Variants in SPOP observed in about 807,000 individuals in gnomAD.
The protein encoded by SPOP is speckle type BTB/POZ protein, also known as speckle-type POZ protein.
A neutral mutation model predicts 45.6 loss-of-function variants in SPOP; 11 were observed. The ratio of observed to expected loss-of-function variants is 0.24; its 90% CI spans 0.15 to 0.40. The LOEUF (loss-of-function observed/expected upper bound fraction) is 0.40, where lower values mean the gene tolerates loss of function less well. Ranked by LOEUF, SPOP falls within the 10% of genes least tolerant of loss-of-function variation. The pLI is 1.00. For missense variants in SPOP, 152 were observed against 465.6 expected (o/e 0.33, Z 6.20); for synonymous variants, 166 against 166.3 (o/e 1.00, Z 0.01).
chr17:49,664,312 G>A (rs2073025137), intron 1 of SPOP, among the ~76,000 whole-genome samples: 2 of 152,226 alleles, frequency 1.3e-5, no homozygotes, highest in African/African-American at 4.8e-5. Flanking sequence ...TGTCACATCA[G>A]ACTGAATAGA....
chr17:49,671,245 T>C (rs745560251), intron 1 of SPOP, among the ~76,000 whole-genome samples: 3 of 151,926 alleles, frequency 2.0e-5, no homozygotes, highest in Admixed American at 6.6e-5. Flanking sequence ...CTTTAGTTTT[T>C]AGAATTTGGT....
rs573738973 is a variant in SPOP at position 49,673,054 on chromosome 17, T to C, written c.-67+4879A>G. Among the ~76,000 whole-genome samples, 7 of 152,148 alleles carry C rather than the reference T, an allele frequency of 4.6e-5. No homozygotes were observed. The East Asian group carries it at 5.8e-4, about 13-fold the overall frequency. On this transcript the variant is annotated intron_variant, in intron 1 of 9. Coordinates refer to ENST00000504102, the MANE Select transcript of SPOP (RefSeq NM_001007228.2). Reference sequence around the variant, plus strand: ...AAAAGAAGTGTCATCTTCAAGACAATTGGGAAAATCTGAACACGAACTGGA... The same window carrying C: ...AAAAGAAGTGTCATCTTCAAGACAACTGGGAAAATCTGAACACGAACTGGA...
chr17:49,628,308 C>T (rs1352888304), intron 1 of SPOP, among the ~76,000 whole-genome samples: 2 of 152,160 alleles, frequency 1.3e-5, no homozygotes, highest in Non-Finnish European at 2.9e-5. Flanking sequence ...CAGACCTCTT[C>T]GAGTTACATA....
Position 49,600,432 on chromosome 17 carries a change from A to C in SPOP, c.1071T>G (p.Ala357=), listed in dbSNP as rs766130846. 1.5e-5 allele frequency: 25 copies of C among 1,614,044 alleles called. 1 individual carries two copies. In the South Asian group the frequency reaches 2.7e-4, roughly 18 times the overall value. ...HLVAEAYRSL[A]SAQCPFLGPP... is the part of the protein sequence containing the mutation. ...GTCCCAGAAAAGGGCACTGTGCTGAAGCCAGAGAGCGGTATGCCTCAGCCA... is the reference window on the plus strand; with the variant it reads ...GTCCCAGAAAAGGGCACTGTGCTGACGCCAGAGAGCGGTATGCCTCAGCCA... The change falls in exon 10 of 10, where the codon GCT becomes GCG. Residue 357 remains alanine, a synonymous_variant. Coordinates refer to ENST00000504102, the MANE Select transcript of SPOP (RefSeq NM_001007228.2). The surrounding 1 kb of genome is among the most constrained non-coding windows in gnomAD (Gnocchi z 4.2).
chr17:49,628,344 G>T (rs902982087), intron 1 of SPOP, among the ~76,000 whole-genome samples: 1 of 152,150 alleles, frequency 6.6e-6, no homozygotes, highest in African/African-American at 2.4e-5. Context: ...AAATATCTCT[G>T]TCAACTGTAA....
At chr17:49,627,049 C>G (rs559055068) in intron 1 of SPOP, among the ~76,000 whole-genome samples, 2 of 152,118 alleles carry the variant, frequency 1.3e-5, no homozygotes, top group Non-Finnish European at 2.9e-5. Flanking sequence ...CAGGGTTTCA[C>G]CATGTTAGCC....
At chr17:49,677,760 G>A (rs1164867754) in intron 1 of SPOP, among the ~76,000 whole-genome samples, 173 bp downstream of exon 1, 1 of 151,668 alleles carries the variant, frequency 6.6e-6, no homozygotes, top group Non-Finnish European at 1.5e-5. Context: ...CGGCTGATTC[G>A]GCTCTGGCAT....
Position 49,638,706 on chromosome 17 carries a change from TGA to T in SPOP, c.-66-15832_-66-15831del, listed in dbSNP as rs768977905. Among the ~76,000 whole-genome samples, 94 of 152,314 alleles carry T rather than the reference TGA, an allele frequency of 6.2e-4. 1 individual carries two copies. Among genetic ancestry groups the T allele is most frequent in the Admixed American group, 3.7e-3 (57 of 15,288 alleles). On this transcript the variant is annotated intron_variant, in intron 1 of 9. Transcript: ENST00000504102. ...GTAAACCAAGTCCAGTTACTATCAG[TGA>T]TCAAATGAGCCATCACCAAAAACTG...
At chr17:49,625,563 G>A (rs2072312118) in intron 1 of SPOP, among the ~76,000 whole-genome samples, 1 of 152,004 alleles carries the variant, frequency 6.6e-6, no homozygotes, top group Admixed American at 6.6e-5. Flanking sequence ...AGCCGAGATC[G>A]CACCATTGCA....
Position 49,607,926 on chromosome 17 carries a change from C to T in SPOP, c.662G>A (p.Arg221His), listed in dbSNP as rs2143162433. 6.2e-7 allele frequency: 1 copy of T among 1,611,698 alleles called. No homozygotes were observed. The highest frequency in any genetic ancestry group is 8.5e-7 in the Non-Finnish European group (1 of 1,178,630). ...FQAHKAILAA[R>H]SPVFSAMFEH... Reference sequence around the variant, plus strand: ...AAACATGGCACTAAAAACCGGAGAACGAGCTACAAAGTCAAAGAGAAACAA... The same window carrying T: ...AAACATGGCACTAAAAACCGGAGAATGAGCTACAAAGTCAAAGAGAAACAA... Residue 221 changes from arginine (R) to histidine (H), a missense_variant, in exon 7 of 10, where the codon CGT becomes CAT. Physicochemically the swap from Arg to His is conservative, Grantham distance 29. Around this residue, in one of 3 missense-constraint regions of SPOP, gnomAD observed 106 missense variants for 255.2 expected, o/e 0.42. Transcript: ENST00000504102.
Position 49,659,256 on chromosome 17 carries a change from C to G in SPOP, c.-67+18677G>C, listed in dbSNP as rs150607208. On this transcript the variant is annotated intron_variant, in intron 1 of 9. Coordinates refer to ENST00000504102, the MANE Select transcript of SPOP (RefSeq NM_001007228.2). ...GTACGAAAATCTATTTCTTGATCTA[C>G]GTTTTGAACCTCATCTACTCTTCCA... Among the ~76,000 whole-genome samples the G allele has an allele frequency of 2.6e-5, 4 of 152,258 alleles. No individual in the cohort carries two copies. In the East Asian group the frequency reaches 7.7e-4, roughly 29 times the overall value.
chr17:49,622,589 G>T (rs978276269), intron 2 of SPOP, 144 bp downstream of exon 2: 1 of 689,636 alleles, frequency 1.5e-6, no homozygotes, highest in Non-Finnish European at 2.5e-6. Flanking sequence ...GGAACCTGAG[G>T]CTAACAAGTA....
rs1430773512 is a variant in SPOP, at chr17:49,619,447, C to G, written c.201-62G>C. ...CATCCATTTTGATAGAACTGGAAAT[C>G]AGACTCAAGAGAGGGAGATGTTTAA... is the stretch of plus-strand genomic sequence containing the variant. On this transcript the variant is annotated intron_variant, in intron 3 of 9. Coordinates refer to ENST00000504102, the MANE Select transcript of SPOP (RefSeq NM_001007228.2). The surrounding 1 kb of genome is among the most constrained non-coding windows in gnomAD (Gnocchi z 4.9). 10 of 1,535,554 alleles carry G rather than the reference C, an allele frequency of 6.5e-6. No individual in the cohort carries two copies. The highest frequency in any genetic ancestry group is 7.9e-6 in the Non-Finnish European group (9 of 1,139,052).
chr17:49,610,651 T>G (rs1364693783), intron 6 of SPOP, among the ~76,000 whole-genome samples: 2 of 152,236 alleles, frequency 1.3e-5, no homozygotes, highest in African/African-American at 4.8e-5. Flanking sequence ...AGAAGTGTGT[T>G]ACTTGAAGGT....
rs1194318411 is a variant in SPOP at position 49,677,879 on chromosome 17, C to G, written c.-67+54G>C. ...CAGTCACCTCTTCAGGGAGGTGCCC[C>G]CCCCCCACTCCGACAGGACAACCCC... On this transcript the variant is annotated intron_variant, in intron 1 of 9. Transcript: ENST00000504102. The G allele has an allele frequency of 2.2e-5, 6 of 268,544 alleles. 1 individual carries two copies. The highest frequency in any genetic ancestry group is 4.1e-5 in the Non-Finnish European group (6 of 146,622). 16.6% of individuals were successfully genotyped at this position (268,544 alleles called of 1,614,324 possible). A position where few individuals can be genotyped will look rare whatever the true frequency, so the allele number is the denominator to read the frequency against.
At chr17:49,665,770 G>C (rs1035110760) in intron 1 of SPOP, among the ~76,000 whole-genome samples, 2 of 151,170 alleles carry the variant, frequency 1.3e-5, no homozygotes, top group Admixed American at 1.3e-4. Context: ...GATCACCTGA[G>C]GTTAGGAGTT....
At chr17:49,643,363 C>T (rs1489348654) in intron 1 of SPOP, among the ~76,000 whole-genome samples, 3 of 152,114 alleles carry the variant, frequency 2.0e-5, no homozygotes, top group African/African-American at 4.8e-5. Context: ...ATGAATAAGG[C>T]ACAGTGGATT....
At chr17:49,662,506 AC>A (rs1239702114) in intron 1 of SPOP, among the ~76,000 whole-genome samples, 1 of 151,982 alleles carries the variant, frequency 6.6e-6, no homozygotes, top group Non-Finnish European at 1.5e-5. Context: ...ACATGGTGAA[AC>A]CCCATCTCTA....
rs71352530 is a variant in SPOP at position 49,665,649 on chromosome 17, G to GACACACACACACACACACAC, written c.-67+12264_-67+12283dup. On this transcript the variant is annotated intron_variant, in intron 1 of 9. Coordinates refer to ENST00000504102, the MANE Select transcript of SPOP (RefSeq NM_001007228.2). The stretch of plus-strand genomic sequence containing the variant: ...CAAAAAAAGATTATATATATATACA[G>GACACACACACACACACACAC]ACACACACACACACACACACACACA... 4.4e-3 allele frequency among the ~76,000 whole-genome samples: 564 copies of GACACACACACACACACACAC among 126,760 alleles called. 16 individuals are homozygous for GACACACACACACACACACAC. The highest frequency in any genetic ancestry group is 0.011 in the Admixed American group (123 of 11,622). 83.2% of individuals were successfully genotyped at this position (126,760 alleles called of 152,430 possible).
Sources: allele counts gnomAD v4.1 joint callset (sites outside exome capture counted in the v4.1 genomes callset), GRCh38; gene constraint gnomAD v4.1.1; regional missense constraint gnomAD v4.1.1; non-coding constraint Gnocchi (gnomAD v3.1); transcripts MANE v1.5; gene names NCBI Gene and HGNC (gene_info 2026-07-23, HGNC 2026-07-21).